The following SMCO4 variants were observed in gnomAD, a reference collection of about 807,000 sequenced individuals.
SMCO4 encodes the protein single-pass membrane and coiled-coil domain-containing protein 4.
Under a neutral mutation model 3.6 loss-of-function variants are expected in SMCO4, and 4 were observed. The ratio of observed to expected loss-of-function variants is 1.11; its 90% CI spans 0.54 to 2.53. The LOEUF (loss-of-function observed/expected upper bound fraction) is 2.53, where lower values mean the gene tolerates loss of function less well. Ranked by LOEUF, SMCO4 falls within the 30% of genes most tolerant of loss-of-function variation. The probability of loss-of-function intolerance (pLI) is 0.02; values close to 1 mark genes in which losing one functional copy is unlikely to be tolerated. For missense variants in SMCO4, 70 were observed against 80.8 expected, an observed-to-expected ratio of 0.87 and a Z score of 0.51; for synonymous variants, 36 against 35.3, an observed-to-expected ratio of 1.02 and a Z score of -0.07.
At chr11:93,552,478 ATTATTATTT>A in the SMCO4 span, among the ~76,000 whole-genome samples, 2 of 133,808 alleles carry the variant, frequency 1.5e-5, no homozygotes, top group East Asian at 4.7e-4. Context: ...TATTATTATT[ATTATTATTT>A]TTGAGACAGA....
At chr11:93,513,520 A>G (rs1400366843) in intron 1 of SMCO4, among the ~76,000 whole-genome samples, 1 of 152,220 alleles carries the variant, frequency 6.6e-6, no homozygotes, top group East Asian at 1.9e-4. Flanking sequence ...AGAGAGGGCA[A>G]TAGAGGTGCC....
At chr11:93,511,323 C>T (rs768515532) in intron 1 of SMCO4, among the ~76,000 whole-genome samples, 15 of 152,136 alleles carry the variant, frequency 9.9e-5, no homozygotes, top group Admixed American at 5.2e-4. Context: ...TCATGCCAGA[C>T]GCTGCCCTAG....
chr11:93,486,425 G>T (rs1478776843), intron 2 of SMCO4, among the ~76,000 whole-genome samples: 1 of 152,234 alleles, frequency 6.6e-6, no homozygotes, highest in Non-Finnish European at 1.5e-5. Context: ...ACACAGGGAA[G>T]GTTGTGAGAG....
chr11:93,482,158 G>A lies in SMCO4; in HGVS notation c.-80-2889C>T, dbSNP rs540405006. ...TTCATCAGGCTTCAGGAGGAGCAGC[G>A]TCTCTGCTCTCACTCACCTGTGAGC... On this transcript the variant is annotated intron_variant, in intron 2 of 2. Transcript: ENST00000298966. Among the ~76,000 whole-genome samples, 6 of 152,338 alleles carry A rather than the reference G, an allele frequency of 3.9e-5. No homozygotes were observed. The South Asian group carries it at 6.2e-4, about 16-fold the overall frequency.
intron 1 of SMCO4, among the ~76,000 whole-genome samples, chr11:93,539,430 T>C (rs1949254333): frequency 6.6e-6 from 1 of 152,222 alleles, no homozygotes; most frequent in Admixed American, 6.5e-5. Context: ...GAAGAAATGC[T>C]TTTAAAATAT....
upstream of SMCO4, among the ~76,000 whole-genome samples, chr11:93,545,216 T>C (rs1411797536): frequency 6.6e-6 from 1 of 152,194 alleles, no homozygotes; most frequent in Admixed American, 6.5e-5. Flanking sequence ...GAGCCACTGA[T>C]GTAGGACTCA....
intron 2 of SMCO4, among the ~76,000 whole-genome samples, chr11:93,480,291 G>A (rs1948576510): frequency 6.6e-6 from 1 of 152,160 alleles, no homozygotes; most frequent in South Asian, 2.1e-4. Context: ...GGATGCCAGA[G>A]CCTGCATCAC....
chr11:93,535,528 C>T (rs903140851), intron 1 of SMCO4: 9 of 1,410,466 alleles, frequency 6.4e-6, no homozygotes, highest in Non-Finnish European at 8.0e-6. Flanking sequence ...TCCAGAAGTG[C>T]TGGACATCAG....
the SMCO4 span, among the ~76,000 whole-genome samples, chr11:93,552,623 T>C: frequency 6.6e-6 from 1 of 151,306 alleles, no homozygotes; most frequent in Non-Finnish European, 1.5e-5. Flanking sequence ...AGGCACCCGC[T>C]AACAAGCCCG....
At chr11:93,502,163 A>C (rs1948847029) in intron 1 of SMCO4, among the ~76,000 whole-genome samples, 1 of 152,102 alleles carries the variant, frequency 6.6e-6, no homozygotes, top group Non-Finnish European at 1.5e-5. Context: ...CTTAGTTGTA[A>C]AGTGATTACA....
upstream of SMCO4, among the ~76,000 whole-genome samples, chr11:93,545,598 A>G (rs992861022): frequency 2.0e-5 from 3 of 151,412 alleles, no homozygotes; most frequent in African/African-American, 4.8e-5. Context: ...CAAAAAAAAA[A>G]AAAAAAAAAA....
chr11:93,524,277 G>A (rs561828560), intron 1 of SMCO4, among the ~76,000 whole-genome samples: 20 of 152,270 alleles, frequency 1.3e-4, no homozygotes, highest in Admixed American at 6.5e-5. Context: ...GGAAACGGCC[G>A]GGAGGGAACC....
chr11:93,511,134 T>TTTA (rs1948953431), intron 1 of SMCO4, among the ~76,000 whole-genome samples: 1 of 151,838 alleles, frequency 6.6e-6, no homozygotes, highest in Non-Finnish European at 1.5e-5. Context: ...ACTCAAAAGA[T>TTTA]TTTGACCCAC....
At chr11:93,538,364 T>C (rs1949245546) in intron 1 of SMCO4, among the ~76,000 whole-genome samples, 1 of 152,182 alleles carries the variant, frequency 6.6e-6, no homozygotes, top group South Asian at 2.1e-4. Flanking sequence ...TAGCCAAAAC[T>C]GAGGACCAAA....
chr11:93,520,130 G>A (rs986152623), intron 1 of SMCO4, among the ~76,000 whole-genome samples: 4 of 152,172 alleles, frequency 2.6e-5, no homozygotes, highest in Non-Finnish European at 5.9e-5. Context: ...TGCTGCAGGT[G>A]GGGCAGAACG....
upstream of SMCO4, among the ~76,000 whole-genome samples, chr11:93,547,520 A>G (rs1001891404): frequency 1.3e-5 from 2 of 152,040 alleles, no homozygotes; most frequent in African/African-American, 4.8e-5. Context: ...TCATATTTTT[A>G]TAGTTACATA....
chr11:93,539,412 A>G (rs1234944014), intron 1 of SMCO4, among the ~76,000 whole-genome samples: 2 of 152,248 alleles, frequency 1.3e-5, no homozygotes, highest in Non-Finnish European at 2.9e-5. Flanking sequence ...GGAAAACAGT[A>G]CATTTAGGAA....
chr11:93,486,903 G>A (rs1004511279), intron 2 of SMCO4, among the ~76,000 whole-genome samples: 1 of 152,210 alleles, frequency 6.6e-6, no homozygotes, highest in East Asian at 1.9e-4. Context: ...ACAGTTGAAG[G>A]CGCTCCCTAA....
At chr11:93,536,908 A>T (rs1949230983) in intron 1 of SMCO4, among the ~76,000 whole-genome samples, 1 of 152,182 alleles carries the variant, frequency 6.6e-6, no homozygotes, top group African/African-American at 2.4e-5. Flanking sequence ...TCTTCCCAAG[A>T]CTGACAAAGT....
Sources: gnomAD v4.1 joint callset for allele counts (sites outside exome capture counted in the v4.1 genomes callset) on GRCh38, gnomAD v4.1.1 for gene constraint, MANE v1.5 for transcripts, NCBI Gene and HGNC (gene_info 2026-07-23, HGNC 2026-07-21) for gene names.